Variants in RBFOX1 observed in about 807,000 individuals in gnomAD.
The protein encoded by RBFOX1 is RNA binding fox-1 homolog 1, also known as RNA binding protein fox-1 homolog 1.
In RBFOX1, 8 loss-of-function variants were observed where a neutral mutation model predicts 57.7. That is an observed-to-expected ratio of 0.14 (90% CI 0.08 to 0.25). RBFOX1 has a LOEUF of 0.25. Ranked by LOEUF, RBFOX1 falls within the 10% of genes least tolerant of loss-of-function variation. The probability of loss-of-function intolerance (pLI) is 1.00; values close to 1 mark genes in which losing one functional copy is unlikely to be tolerated. For missense variants in RBFOX1, 611 were observed against 548.5 expected (o/e 1.11, Z -1.14); for synonymous variants, 326 against 222.4 (o/e 1.47, Z -4.15).
rs552695180 is a variant in RBFOX1 at position 7,362,369 on chromosome 16, G to T, written c.28-155778G>T. Reference sequence around the variant, plus strand: ...TATGTGTGTTTGTGTGTATGCTAGTGTGTGTGTATGTGTTAATGTGTGTGT... The same window carrying T: ...TATGTGTGTTTGTGTGTATGCTAGTTTGTGTGTATGTGTTAATGTGTGTGT... On this transcript the variant is annotated intron_variant, in intron 4 of 15. Transcript: ENST00000550418. Among the ~76,000 whole-genome samples the T allele has an allele frequency of 1.8e-4, 28 of 151,744 alleles. No individual in the cohort carries two copies. In the East Asian group the frequency reaches 5.4e-3, roughly 29 times the overall value.
chr16:5,465,428 G>C (rs1465452528), intron 1 of RBFOX1, among the ~76,000 whole-genome samples: 5 of 152,172 alleles, frequency 3.3e-5, no homozygotes, highest in African/African-American at 1.2e-4. Flanking sequence ...TCCTAGATTT[G>C]GGGTTGCAAA....
At chr16:6,982,389 C>T (rs953491868) in intron 3 of RBFOX1, among the ~76,000 whole-genome samples, 5 of 152,316 alleles carry the variant, frequency 3.3e-5, no homozygotes, top group Admixed American at 2.0e-4. Context: ...CACTGAATAT[C>T]ATTCCAGAGT....
intron 1 of RBFOX1, among the ~76,000 whole-genome samples, chr16:5,391,438 A>C (rs1454027166): frequency 1.3e-5 from 2 of 152,078 alleles, no homozygotes; most frequent in Non-Finnish European, 2.9e-5. Flanking sequence ...GAAGGGTTAA[A>C]TCCTTCTCAC....
At position 7,623,050 on chromosome 16, in the gene RBFOX1, T is replaced by G. The variant is rs887561282; in HGVS notation, c.677-7553T>G. On this transcript the variant is annotated intron_variant, in intron 10 of 15. Coordinates refer to ENST00000550418, the MANE Select transcript of RBFOX1 (RefSeq NM_018723.4). ...GTCACCTCCATTGCTAGGTACCTTA[T>G]GGCAACCTCTTTGGCTTCTAAGTCC... 2.0e-5 allele frequency among the ~76,000 whole-genome samples: 3 copies of G among 152,304 alleles called. No individual in the cohort carries two copies. The South Asian group carries it at 6.2e-4, about 32-fold the overall frequency.
intron 1 of RBFOX1, among the ~76,000 whole-genome samples, chr16:6,036,312 C>T (rs757204752): frequency 6.6e-6 from 1 of 152,150 alleles, no homozygotes; most frequent in African/African-American, 2.4e-5. Flanking sequence ...GGCCAGGCTG[C>T]TCTGGGAAGG....
rs189352270 is a variant in RBFOX1, at chr16:5,297,602, T to C, written c.219+57497T>C. Reference sequence around the variant, plus strand: ...TTTGAGTTGTTTTCTTACTATTGAGTTGAGTTCTTTATATGTTTTGGAGTT... The same window carrying C: ...TTTGAGTTGTTTTCTTACTATTGAGCTGAGTTCTTTATATGTTTTGGAGTT... On this transcript the variant is annotated intron_variant, in intron 1 of 2. Transcript: ENST00000585867. Among the ~76,000 whole-genome samples the C allele has an allele frequency of 5.1e-4, 77 of 152,246 alleles. 4 individuals carry two copies. In the South Asian group the frequency reaches 8.3e-3, roughly 16 times the overall value.
chr16:5,298,548 C>T (rs1173110860), intron 1 of RBFOX1, among the ~76,000 whole-genome samples: 1 of 11,772 alleles, frequency 8.5e-5, no homozygotes, highest in African/African-American at 7.3e-4. Context: ...CTCCCTTCCC[C>T]TCCCCTCCCC....
chr16:5,790,528 C>T (rs2054655319), intron 3 of RBFOX1, among the ~76,000 whole-genome samples: 1 of 151,040 alleles, frequency 6.6e-6, no homozygotes, highest in Admixed American at 6.6e-5. Context: ...AAAAAGGACT[C>T]AGAATGTTCA....
At chr16:6,275,543 A>G (rs1160744365) in intron 1 of RBFOX1, among the ~76,000 whole-genome samples, 3 of 152,112 alleles carry the variant, frequency 2.0e-5, no homozygotes, top group African/African-American at 7.2e-5. Context: ...AAAAAATGGT[A>G]TGTTGTTGTG....
chr16:5,879,530 A>G (rs1230592144), intron 4 of RBFOX1, among the ~76,000 whole-genome samples: 1 of 152,166 alleles, frequency 6.6e-6, no homozygotes, highest in Non-Finnish European at 1.5e-5. Context: ...GGGTTTCACC[A>G]TGTTGGCCTG....
At chr16:5,741,932 G>T (rs2052782318) in intron 3 of RBFOX1, among the ~76,000 whole-genome samples, 1 of 152,066 alleles carries the variant, frequency 6.6e-6, no homozygotes. Flanking sequence ...CAGTATGTAG[G>T]GATGAACGGG....
chr16:5,922,386 A>G (rs1397909499), intron 4 of RBFOX1, among the ~76,000 whole-genome samples: 1 of 152,200 alleles, frequency 6.6e-6, no homozygotes, highest in Non-Finnish European at 1.5e-5. Context: ...AAGAAGAAAA[A>G]GGGACACAAG....
chr16:7,396,327 G>A (rs185030043), intron 4 of RBFOX1, among the ~76,000 whole-genome samples: 6 of 152,188 alleles, frequency 3.9e-5, no homozygotes, highest in Admixed American at 6.5e-5. Flanking sequence ...CAGTGTAAAC[G>A]GGCATACCTC....
At chr16:6,580,556 G>A (rs1300523876) in intron 2 of RBFOX1, among the ~76,000 whole-genome samples, 6 of 150,332 alleles carry the variant, frequency 4.0e-5, no homozygotes, top group Non-Finnish European at 8.9e-5. Context: ...ATAAATACAC[G>A]TTTGCTCAAT....
chr16:6,789,270 C>G (rs972005533), intron 3 of RBFOX1, among the ~76,000 whole-genome samples: 3 of 152,146 alleles, frequency 2.0e-5, no homozygotes, highest in Admixed American at 6.6e-5. Flanking sequence ...CCATGGTTCA[C>G]CAGAACTTAA....
At chr16:7,627,361 G>T (rs138203959) in intron 10 of RBFOX1, among the ~76,000 whole-genome samples, 5 of 152,220 alleles carry the variant, frequency 3.3e-5, no homozygotes, top group Non-Finnish European at 4.4e-5. Flanking sequence ...TATTGAAATT[G>T]ATTAATTCCG....
intron 4 of RBFOX1, among the ~76,000 whole-genome samples, chr16:7,076,008 G>T (rs1004882161): frequency 6.0e-5 from 9 of 150,438 alleles, no homozygotes; most frequent in Non-Finnish European, 1.2e-4. Context: ...GACACCAGTT[G>T]TCAGTTTCTA....
At chr16:6,920,775 T>G (rs1379651460) in intron 3 of RBFOX1, among the ~76,000 whole-genome samples, 1 of 152,208 alleles carries the variant, frequency 6.6e-6, no homozygotes, top group African/African-American at 2.4e-5. Flanking sequence ...TCTGTGTGTG[T>G]CTTCTCCTCC....
At chr16:6,518,304 A>T (rs1056731554) in intron 2 of RBFOX1, among the ~76,000 whole-genome samples, 5 of 152,150 alleles carry the variant, frequency 3.3e-5, no homozygotes, top group African/African-American at 4.8e-5. Flanking sequence ...AGGAGGGGAA[A>T]AAATTATTGC....
Sources: allele counts gnomAD v4.1 joint callset (sites outside exome capture counted in the v4.1 genomes callset), GRCh38; gene constraint gnomAD v4.1.1; transcripts MANE v1.5; gene names NCBI Gene and HGNC (gene_info 2026-07-23, HGNC 2026-07-21).